SRXN1: variants seen among roughly 807,000 people sequenced by gnomAD.
SRXN1 encodes sulfiredoxin-1.
A neutral mutation model predicts 11.0 loss-of-function variants in SRXN1; 11 were observed. The observed-to-expected ratio is 1.00, with a 90% CI of 0.63 to 1.65. The LOEUF is 1.65. Among genes scored for constraint, SRXN1 ranks in the 40% most tolerant of loss-of-function variants. The probability of loss-of-function intolerance (pLI) is 0.00; values close to 1 mark genes in which losing one functional copy is unlikely to be tolerated. For synonymous variants in SRXN1, 106 were observed against 92.8 expected (o/e 1.14, Z -0.82); for missense variants, 211 against 194.5 (o/e 1.08, Z -0.50).
intron 1 of SRXN1, among the ~76,000 whole-genome samples, chr20:651,135 G>A (rs540075197): frequency 2.1e-4 from 32 of 152,356 alleles, no homozygotes; most frequent in Admixed American, 7.2e-4. Context: ...AAGCCAAGCA[G>A]TGTGGGTGGC....
chr20:648,262 C>A lies in SRXN1; in HGVS notation c.*452G>T. 1 of 456,782 alleles carries A rather than the reference C, an allele frequency of 2.2e-6. No individual in the cohort carries two copies. The highest frequency in any genetic ancestry group is 1.5e-5 in the South Asian group (1 of 64,572). 28.3% of individuals were successfully genotyped at this position (456,782 alleles called of 1,614,324 possible). A position where few individuals can be genotyped will look rare whatever the true frequency, so the allele number is the denominator to read the frequency against. On this transcript the variant is annotated 3_prime_UTR_variant, in exon 2 of 2. Coordinates refer to ENST00000381962, the MANE Select transcript of SRXN1 (RefSeq NM_080725.3). Reference sequence around the variant, plus strand: ...CCCCTACCTTCGTGGAGTTGTTGAACCAATACCATTAGCCACCCATCTCCA... The same window carrying A: ...CCCCTACCTTCGTGGAGTTGTTGAAACAATACCATTAGCCACCCATCTCCA...
intron 1 of SRXN1, 68 bp downstream of exon 1, chr20:652,908 T>C (rs1983710382): frequency 3.3e-6 from 3 of 920,776 alleles, no homozygotes; most frequent in South Asian, 4.8e-5. Flanking sequence ...CGCAGCGACC[T>C]CCCTCCTCCG....
chr20:649,126 A>T (rs1983611102), intron 1 of SRXN1, among the ~76,000 whole-genome samples: 1 of 152,172 alleles, frequency 6.6e-6, no homozygotes. Flanking sequence ...ACACCAGAGA[A>T]ATGGACAGAT....
intron 1 of SRXN1, among the ~76,000 whole-genome samples, chr20:650,307 G>C (rs1983640007): frequency 6.6e-6 from 1 of 152,214 alleles, no homozygotes; most frequent in African/African-American, 2.4e-5. Context: ...CTGGATGATG[G>C]TGTGGTGGGG....
intron 1 of SRXN1, among the ~76,000 whole-genome samples, chr20:651,597 T>C (rs908356867): frequency 6.6e-6 from 1 of 150,538 alleles, no homozygotes; most frequent in African/African-American, 2.5e-5. Context: ...GGCAGGAGAA[T>C]GGCTTGAACC....
Position 648,585 on chromosome 20 carries a change from C to T in SRXN1, c.*129G>A. 9.3e-7 allele frequency: 1 copy of T among 1,074,276 alleles called. No homozygotes were observed. The highest frequency in any genetic ancestry group is 1.4e-6 in the Non-Finnish European group (1 of 722,484). 66.5% of individuals were successfully genotyped at this position (1,074,276 alleles called of 1,614,324 possible). A position where few individuals can be genotyped will look rare whatever the true frequency, so the allele number is the denominator to read the frequency against. ...CCTTGTAGCTGGTGAGAGGGGTGCC[C>T]AGAGTCAGACCCTCTCGCCAGGTGC... is the stretch of plus-strand genomic sequence containing the variant. On this transcript the variant is annotated 3_prime_UTR_variant, in exon 2 of 2. Transcript: ENST00000381962.
chr20:649,611 A>G (rs959084769), intron 1 of SRXN1, among the ~76,000 whole-genome samples: 3 of 151,988 alleles, frequency 2.0e-5, no homozygotes, highest in African/African-American at 7.3e-5. Context: ...CTGAGGCAGG[A>G]GAATCACTTG....
intron 1 of SRXN1, among the ~76,000 whole-genome samples, chr20:651,070 T>C (rs1489282556): frequency 6.6e-6 from 1 of 152,158 alleles, no homozygotes; most frequent in Non-Finnish European, 1.5e-5. Flanking sequence ...AGTGATGCGA[T>C]GTGAGAAGGC....
rs1600464319 is a variant in SRXN1 at position 648,581 on chromosome 20, T to A, written c.*133A>T. On this transcript the variant is annotated 3_prime_UTR_variant, in exon 2 of 2. Coordinates refer to ENST00000381962, the MANE Select transcript of SRXN1 (RefSeq NM_080725.3). ...AAGGCCTTGTAGCTGGTGAGAGGGGTGCCCAGAGTCAGACCCTCTCGCCAG... is the reference window on the plus strand; with the variant it reads ...AAGGCCTTGTAGCTGGTGAGAGGGGAGCCCAGAGTCAGACCCTCTCGCCAG... 1.7e-5 allele frequency: 17 copies of A among 986,658 alleles called. No homozygotes were observed. Among genetic ancestry groups the A allele is most frequent in the Middle Eastern group, 3.1e-4 (1 of 3,260 alleles). The allele number at this position is 986,658 out of a possible 1,614,324, so 61.1% of individuals were successfully genotyped here. A position where few individuals can be genotyped will look rare whatever the true frequency, so the allele number is the denominator to read the frequency against.
intron 1 of SRXN1, among the ~76,000 whole-genome samples, chr20:650,853 C>T (rs1341722564): frequency 2.6e-5 from 4 of 152,210 alleles, no homozygotes; most frequent in Admixed American, 6.5e-5. Flanking sequence ...ACTGGAGGCA[C>T]GATGGTGGAT....
chr20:649,001 T>A, intron 1 of SRXN1, 84 bp from the exon 2 acceptor site: 1 of 1,450,712 alleles, frequency 6.9e-7, no homozygotes, highest in Non-Finnish European at 9.5e-7. Flanking sequence ...TGTGCTGAGC[T>A]CCTTATAAGG....
At chr20:652,792 C>T (rs1405034619) in intron 1 of SRXN1, among the ~76,000 whole-genome samples, 184 bp downstream of exon 1, 3 of 152,248 alleles carry the variant, frequency 2.0e-5, no homozygotes, top group Non-Finnish European at 2.9e-5. Flanking sequence ...TCCCTCCTTG[C>T]TCAAGTGAGG....
Position 648,116 on chromosome 20 carries a change from C to A in SRXN1, c.*598G>T, listed in dbSNP as rs769368733. On this transcript the variant is annotated 3_prime_UTR_variant, in exon 2 of 2. Transcript: ENST00000381962. ...AGGTGACGGGTCCAGCTAGTTTGGCCCTTCCTCTTCCTCCACCCCTCCTTC... is the reference window on the plus strand; with the variant it reads ...AGGTGACGGGTCCAGCTAGTTTGGCACTTCCTCTTCCTCCACCCCTCCTTC... 8.8e-6 allele frequency: 4 copies of A among 456,102 alleles called. No individual in the cohort carries two copies. Among genetic ancestry groups the A allele is most frequent in the Non-Finnish European group, 1.8e-5 (4 of 226,968 alleles). 28.3% of individuals were successfully genotyped at this position (456,102 alleles called of 1,614,324 possible). A position where few individuals can be genotyped will look rare whatever the true frequency, so the allele number is the denominator to read the frequency against.
intron 1 of SRXN1, among the ~76,000 whole-genome samples, chr20:650,525 C>T (rs911443): frequency 0.17 from 25,947 of 152,110 alleles, 2,441 homozygotes; most frequent in South Asian, 0.34. Context: ...CTGGGGAGAC[C>T]CCATTAAGTG....
chr20:652,142 T>G (rs1397662752), intron 1 of SRXN1, among the ~76,000 whole-genome samples: 1 of 152,146 alleles, frequency 6.6e-6, no homozygotes, highest in African/African-American at 2.4e-5. Flanking sequence ...GGCAGAGAGC[T>G]GAACCAGGCA....
rs775552812 is a variant in SRXN1 at position 653,052 on chromosome 20, G to T, written c.134C>A (p.Pro45Gln). ...SGRIAAVHNVPLSVLIRPLPS... is the reference protein window; with the variant it reads ...SGRIAAVHNVQLSVLIRPLPS... ...CAGCGGCCGGATGAGCACGCTCAGC[G>T]GCACGTTGTGCACCGCGGCGATGCG... is the stretch of plus-strand genomic sequence containing the variant. Residue 45 changes from proline to glutamine, a missense_variant, in exon 1 of 2, where the codon CCG (proline) becomes CAG (glutamine). By Grantham distance (76) the Pro-to-Gln change is moderately conservative. Transcript: ENST00000381962. 6.4e-7 allele frequency: 1 copy of T among 1,559,448 alleles called. No individual in the cohort carries two copies. Among genetic ancestry groups the T allele is most frequent in the Non-Finnish European group, 8.6e-7 (1 of 1,157,240 alleles).
rs776739583 is a variant in SRXN1, at chr20:648,945, G to A, written c.211-28C>T. 46 of 1,611,718 alleles carry A rather than the reference G, an allele frequency of 2.9e-5. No homozygotes were observed. In the South Asian group the frequency reaches 4.8e-4, roughly 17 times the overall value. ...GGGGAGAAGAGGCACAGAGTCAATG[G>A]ACATGGTACAAGGCTTGAGAGTTTG... On this transcript the variant is annotated intron_variant, in intron 1 of 1. Transcript: ENST00000381962.
rs1347581163 is a variant in SRXN1 at position 653,128 on chromosome 20, C to T, written c.58G>A (p.Glu20Lys). The change falls in exon 1 of 2, where the codon GAG (glutamate) becomes AAG (lysine). Residue 20 changes from glutamate (E) to lysine (K), a missense_variant. Physicochemically the swap from Glu to Lys is moderately conservative, Grantham distance 56. Transcript: ENST00000381962. Reference sequence around the variant, plus strand: ...GCGCCGCCGCTCGGCCCGGGCCCCTCGGGCGCCCCCCGACCCGCGCCGGCC... The same window carrying T: ...GCGCCGCCGCTCGGCCCGGGCCCCTTGGGCGCCCCCCGACCCGCGCCGGCC... ...GRAGAGRGAP[E>K]GPGPSGGAQG... 1.5e-6 allele frequency: 2 copies of T among 1,320,520 alleles called. No individual in the cohort carries two copies. The highest frequency in any genetic ancestry group is 9.6e-7 in the Non-Finnish European group (1 of 1,040,716). 81.8% of individuals were successfully genotyped at this position (1,320,520 alleles called of 1,614,324 possible).
rs548685106 is a variant in SRXN1 at position 646,949 on chromosome 20, T to C, written c.*1765A>G. ...AACTTTCCCGGGGAAAGAGAATGCA[T>C]GGGAAAAGCTCTTGTCCTTATTATT... On this transcript the variant is annotated 3_prime_UTR_variant, in exon 2 of 2. Coordinates refer to ENST00000381962, the MANE Select transcript of SRXN1 (RefSeq NM_080725.3). 106 of 152,300 alleles carry C rather than the reference T, an allele frequency of 7.0e-4. 1 individual carries two copies. Among genetic ancestry groups the C allele is most frequent in the African/African-American group, 2.5e-3 (103 of 41,570 alleles). 9.4% of individuals were successfully genotyped at this position (152,300 alleles called of 1,614,324 possible).
Sources: gnomAD v4.1 joint callset for allele counts (sites outside exome capture counted in the v4.1 genomes callset) on GRCh38, gnomAD v4.1.1 for gene constraint, MANE v1.5 for transcripts, NCBI Gene and HGNC (gene_info 2026-07-23, HGNC 2026-07-21) for gene names.